The following OSBPL3 variants were observed in gnomAD, a reference collection of about 807,000 sequenced individuals.
OSBPL3 encodes oxysterol binding protein like 3, also known as oxysterol-binding protein-related protein 3.
A neutral mutation model predicts 120.1 loss-of-function variants in OSBPL3; 65 were observed. The observed-to-expected ratio is 0.54, with a 90% confidence interval of 0.44 to 0.67. OSBPL3 has a LOEUF of 0.67. OSBPL3 is among the 30% of genes least tolerant of loss of function. The probability of loss-of-function intolerance (pLI) is 0.00; values close to 1 mark genes in which losing one functional copy is unlikely to be tolerated. For synonymous variants in OSBPL3, 416 were observed against 402.6 expected (o/e 1.03, Z -0.40); for missense variants, 1,004 against 1,082.1 (o/e 0.93, Z 1.01).
rs1019141823 is a variant in OSBPL3 at position 24,904,702 on chromosome 7, C to T, written c.-149-12081G>A. Among the ~76,000 whole-genome samples, 18 of 152,004 alleles carry T rather than the reference C, an allele frequency of 1.2e-4. 1 individual carries two copies. Among genetic ancestry groups the T allele is most frequent in the African/African-American group, 4.4e-4 (18 of 41,368 alleles). On this transcript the variant is annotated intron_variant, in intron 1 of 22. Coordinates refer to ENST00000313367, the MANE Select transcript of OSBPL3 (RefSeq NM_015550.4). ...AAAGAAATCTTACAATGGGCAATAACATGGATGACTCTGGAAGACATTACG... is the reference window on the plus strand; with the variant it reads ...AAAGAAATCTTACAATGGGCAATAATATGGATGACTCTGGAAGACATTACG...
chr7:24,821,320 T>C lies in OSBPL3; in HGVS notation c.1885-1082A>G, dbSNP rs1248384253. On this transcript the variant is annotated intron_variant, in intron 16 of 22. Transcript: ENST00000313367. The surrounding 1 kb of genome is among the most constrained non-coding windows in gnomAD (Gnocchi z 5.5). ...CAGCAGTTTTGGTTTACCTCACTGG[T>C]TTTCAAACTTTGCAAAAAGAAGAAA... Among the ~76,000 whole-genome samples, 3 of 152,118 alleles carry C rather than the reference T, an allele frequency of 2.0e-5. No homozygotes were observed. The highest frequency in any genetic ancestry group is 4.4e-5 in the Non-Finnish European group (3 of 68,020).
rs991434520 is a variant in OSBPL3, at chr7:24,877,847, G to A, written c.97-5778C>T. 3.9e-5 allele frequency among the ~76,000 whole-genome samples: 6 copies of A among 152,118 alleles called. No individual in the cohort carries two copies. Among genetic ancestry groups the A allele is most frequent in the African/African-American group, 1.4e-4 (6 of 41,400 alleles). ...AGTACAGGGTAGACTTGGGCCCTTG[G>A]GGAAATCAAGGCCCTGCTGACTTAG... On this transcript the variant is annotated intron_variant, in intron 2 of 22. Coordinates refer to ENST00000313367, the MANE Select transcript of OSBPL3 (RefSeq NM_015550.4). The surrounding 1 kb of genome is among the most constrained non-coding windows in gnomAD (Gnocchi z 4.8).
chr7:24,852,864 C>G lies in OSBPL3; in HGVS notation c.1028-230G>C, dbSNP rs1191984672. ...TGATGTGTCCACGTAGGTTCATTGACTGTAAGAGATGCAGTACTCTGGTGT... is the reference window on the plus strand; with the variant it reads ...TGATGTGTCCACGTAGGTTCATTGAGTGTAAGAGATGCAGTACTCTGGTGT... On this transcript the variant is annotated intron_variant, in intron 10 of 22. Coordinates refer to ENST00000313367, the MANE Select transcript of OSBPL3 (RefSeq NM_015550.4). This position sits in a 1 kb window ranked among gnomAD's most constrained non-coding sequence, Gnocchi z 4.1. 1.3e-5 allele frequency among the ~76,000 whole-genome samples: 2 copies of G among 152,106 alleles called. No homozygotes were observed. Among genetic ancestry groups the G allele is most frequent in the African/African-American group, 4.8e-5 (2 of 41,416 alleles).
rs1190652256 is a variant in OSBPL3, at chr7:24,828,606, G to GAAAAAA, written c.1884+2156_1884+2161dup. ...TGGGCGACAAAGTGAGACTCTGTCTGAAAAAAAAAAAAAAAGAAAAAAAAA... is the reference window on the plus strand; with the variant it reads ...TGGGCGACAAAGTGAGACTCTGTCTGAAAAAAAAAAAAAAAAAAAAAGAAAAAAAAA... On this transcript the variant is annotated intron_variant, in intron 16 of 22. Transcript: ENST00000313367. 9.8e-4 allele frequency among the ~76,000 whole-genome samples: 32 copies of GAAAAAA among 32,548 alleles called. 2 individuals are homozygous for GAAAAAA. The highest frequency in any genetic ancestry group is 1.4e-3 in the Non-Finnish European group (26 of 19,038). 21.4% of individuals were successfully genotyped at this position (32,548 alleles called of 152,430 possible).
chr7:24,932,611 G>A lies in OSBPL3; in HGVS notation c.-149-39990C>T, dbSNP rs1274697406. 6.6e-6 allele frequency among the ~76,000 whole-genome samples: 1 copy of A among 152,086 alleles called. No homozygotes were observed. The highest frequency in any genetic ancestry group is 2.4e-5 in the African/African-American group (1 of 41,396). On this transcript the variant is annotated intron_variant, in intron 1 of 22. Transcript: ENST00000313367. This position sits in a 1 kb window ranked among gnomAD's most constrained non-coding sequence, Gnocchi z 5.6. ...AGCTGCCTTGTCCCTTCCACCCTGT[G>A]AGCACACAGCAAAAAGGCACTGTCT...
rs1812584514 is a variant in OSBPL3 at position 24,937,637 on chromosome 7, T to G, written c.-150+42249A>C. Among the ~76,000 whole-genome samples the G allele has an allele frequency of 6.6e-6, 1 of 152,178 alleles. No individual in the cohort carries two copies. The highest frequency in any genetic ancestry group is 1.5e-5 in the Non-Finnish European group (1 of 68,010). On this transcript the variant is annotated intron_variant, in intron 1 of 22. Transcript: ENST00000313367. The surrounding 1 kb of genome is among the most constrained non-coding windows in gnomAD (Gnocchi z 4.0). ...GACGTCCCAATACATGTGCCACACT[T>G]TTACATATCTGGAAATAGAACTGGA...
chr7:24,872,796 T>C lies in OSBPL3; in HGVS notation c.97-727A>G, dbSNP rs913120791. Among the ~76,000 whole-genome samples, 2 of 152,150 alleles carry C rather than the reference T, an allele frequency of 1.3e-5. No individual in the cohort carries two copies. The highest frequency in any genetic ancestry group is 6.5e-5 in the Admixed American group (1 of 15,282). ...TGGCTATTTAGGTTATTTCAACTAA[T>C]TGAAAAAGAATTTTAAAAGAAATAG... On this transcript the variant is annotated intron_variant, in intron 2 of 22. Coordinates refer to ENST00000313367, the MANE Select transcript of OSBPL3 (RefSeq NM_015550.4). This position sits in a 1 kb window ranked among gnomAD's most constrained non-coding sequence, Gnocchi z 4.1.
At position 24,817,959 on chromosome 7, in the gene OSBPL3, T is replaced by G. The variant is rs918709720; in HGVS notation, c.1949-1271A>C. On this transcript the variant is annotated intron_variant, in intron 17 of 22. Coordinates refer to ENST00000313367, the MANE Select transcript of OSBPL3 (RefSeq NM_015550.4). The surrounding 1 kb of genome is among the most constrained non-coding windows in gnomAD (Gnocchi z 4.0). ...AGAGGATCCCATCTGGCTGCTGCAC[T>G]GAGGATCTACAGATCACAGGGAAAT... Among the ~76,000 whole-genome samples, 3 of 152,188 alleles carry G rather than the reference T, an allele frequency of 2.0e-5. No individual in the cohort carries two copies. Among genetic ancestry groups the G allele is most frequent in the Admixed American group, 1.3e-4 (2 of 15,278 alleles).
At position 24,842,392 on chromosome 7, in the gene OSBPL3, G is replaced by A. The variant is rs1243252170; in HGVS notation, c.1288C>T (p.Arg430Ter). The A allele has an allele frequency of 2.5e-6, 4 of 1,608,356 alleles. No homozygotes were observed. The highest frequency in any genetic ancestry group is 2.2e-5 in the South Asian group (2 of 89,238). Residue 430 changes from arginine to a stop codon, truncating the protein, a stop_gained, in exon 13 of 23, where the codon CGA becomes TGA. Transcript: ENST00000313367. LOFTEE classifies it high-confidence loss of function. ...LAEENSRDENRALVHQLSNES... is the reference protein window; with the variant it reads ...LAEENSRDEN ...TTAGAAAGCTGATGAACTAGAGCTC[G>A]GTTTTCATCTCTGGAGTTTTCCTAT... is the stretch of plus-strand genomic sequence containing the variant.
Position 24,820,169 on chromosome 7 carries a change from C to T in OSBPL3, c.1948+6G>A. On this transcript the variant is annotated splice_donor_region_variant and intron_variant, in intron 17 of 22. Transcript: ENST00000313367. This position sits in a 1 kb window ranked among gnomAD's most constrained non-coding sequence, Gnocchi z 4.6. Reference sequence around the variant, plus strand: ...ATGATGGAAGTAAAATGTATTAGCACATTACCTTGCCAGAAAACAAAATTT... The same window carrying T: ...ATGATGGAAGTAAAATGTATTAGCATATTACCTTGCCAGAAAACAAAATTT... 1 of 1,587,818 alleles carries T rather than the reference C, an allele frequency of 6.3e-7. No individual in the cohort carries two copies. Among genetic ancestry groups the T allele is most frequent in the Non-Finnish European group, 8.6e-7 (1 of 1,157,170 alleles).
In OSBPL3 at chr7:24,830,691, G is replaced by T; in HGVS notation, c.1884+77C>A. On this transcript the variant is annotated intron_variant, in intron 16 of 22. Transcript: ENST00000313367. This position sits in a 1 kb window ranked among gnomAD's most constrained non-coding sequence, Gnocchi z 4.4. ...GCTTTGAAGCCAGTGAAAGGTGGAA[G>T]ATAAATATTTCAGAAGCACATTTAA... 7.5e-7 allele frequency: 1 copy of T among 1,341,862 alleles called. No homozygotes were observed. The highest frequency in any genetic ancestry group is 1.0e-6 in the Non-Finnish European group (1 of 972,470). The allele number at this position is 1,341,862 out of a possible 1,614,324, so 83.1% of individuals were successfully genotyped here.
rs2189073 is a variant in OSBPL3 at position 24,881,679 on chromosome 7, C to T, written c.97-9610G>A. ...GTAAGCAGCAGGGTGTCTTAGATTC[C>T]TGAGGCCAACTTGATGAGCAGTCAC... On this transcript the variant is annotated intron_variant, in intron 2 of 22. Transcript: ENST00000313367. The surrounding 1 kb of genome is among the most constrained non-coding windows in gnomAD (Gnocchi z 4.3). Among the ~76,000 whole-genome samples, 64,831 of 152,016 alleles carry T rather than the reference C, an allele frequency of 0.43. 15,020 individuals are homozygous for T. Among genetic ancestry groups the T allele is most frequent in the East Asian group, 0.81 (4,208 of 5,178 alleles).
rs908911852 is a variant in OSBPL3, at chr7:24,896,562, A to G, written c.-149-3941T>C. On this transcript the variant is annotated intron_variant, in intron 1 of 22. Transcript: ENST00000313367. This position sits in a 1 kb window ranked among gnomAD's most constrained non-coding sequence, Gnocchi z 4.4. The stretch of plus-strand genomic sequence containing the variant: ...GCAACAAAGGCTGATTTTAAGACTC[A>G]TGTTAGTAGGTTTCACTTAGAAAAG... 1.3e-5 allele frequency among the ~76,000 whole-genome samples: 2 copies of G among 152,240 alleles called. No individual in the cohort carries two copies. Among genetic ancestry groups the G allele is most frequent in the African/African-American group, 2.4e-5 (1 of 41,466 alleles).
rs1250184322 is a variant in OSBPL3, at chr7:24,849,915, C to T, written c.1159-739G>A. Among the ~76,000 whole-genome samples the T allele has an allele frequency of 6.1e-5, 9 of 147,248 alleles. No homozygotes were observed. The highest frequency in any genetic ancestry group is 8.9e-5 in the Non-Finnish European group (6 of 67,218). ...CAGATGTTGCAGCGAGCTGAGATTG[C>T]GGCCTGGGTGAGAGTGAGACCCTGT... On this transcript the variant is annotated intron_variant, in intron 11 of 22. Transcript: ENST00000313367. This position sits in a 1 kb window ranked among gnomAD's most constrained non-coding sequence, Gnocchi z 5.4.
intron 12 of OSBPL3, among the ~76,000 whole-genome samples, chr7:24,847,509 T>C (rs1798593148): frequency 6.6e-6 from 1 of 152,206 alleles, no homozygotes; most frequent in Admixed American, 6.5e-5. Context: ...ATGCTACTTT[T>C]AAGATCAGTT....
intron 1 of OSBPL3, among the ~76,000 whole-genome samples, chr7:24,902,343 G>A (rs538181635): frequency 1.3e-5 from 2 of 151,946 alleles, no homozygotes; most frequent in South Asian, 4.2e-4. Context: ...CATTTTTCTG[G>A]GTTTTTTTAA....
At position 24,888,148 on chromosome 7, in the gene OSBPL3, TC is replaced by T. The variant is rs1299367451; in HGVS notation, c.96+4228del. Among the ~76,000 whole-genome samples, 4 of 152,168 alleles carry T rather than the reference TC, an allele frequency of 2.6e-5. No individual in the cohort carries two copies. In the East Asian group the frequency reaches 7.7e-4, roughly 29 times the overall value. ...GATACACGTATGATACTGTAAAAGT[TC>T]CTGGGAGAAAAAAAGCTAGAACTAT... On this transcript the variant is annotated intron_variant, in intron 2 of 22. Transcript: ENST00000313367.
At chr7:24,812,550 G>T (rs189416597) in intron 19 of OSBPL3, among the ~76,000 whole-genome samples, 65 of 151,772 alleles carry the variant, frequency 4.3e-4, no homozygotes, top group Middle Eastern at 3.4e-3. Flanking sequence ...CCTAGAGTTG[G>T]TTTTTTTTGT....
In OSBPL3 at chr7:24,812,633, T is replaced by C. The variant is rs185319388; in HGVS notation, c.2172+2426A>G. Among the ~76,000 whole-genome samples, 7 of 152,254 alleles carry C rather than the reference T, an allele frequency of 4.6e-5. No homozygotes were observed. In the East Asian group the frequency reaches 1.4e-3, roughly 29 times the overall value. Reference sequence around the variant, plus strand: ...AAAGAATGGCAAAGGCATTTCTCCATAAATCAAAAAACCCTAGTACTATTT... The same window carrying C: ...AAAGAATGGCAAAGGCATTTCTCCACAAATCAAAAAACCCTAGTACTATTT... On this transcript the variant is annotated intron_variant, in intron 19 of 22. Transcript: ENST00000313367.
Sources: allele counts gnomAD v4.1 joint callset (sites outside exome capture counted in the v4.1 genomes callset), GRCh38; gene constraint gnomAD v4.1.1; non-coding constraint Gnocchi (gnomAD v3.1); transcripts MANE v1.5; gene names NCBI Gene and HGNC (gene_info 2026-07-23, HGNC 2026-07-21).